The following CEP112 variants were observed in gnomAD, a reference collection of about 807,000 sequenced individuals.
The protein encoded by CEP112 is centrosomal protein 112.
In CEP112, 127 loss-of-function variants were observed where a neutral mutation model predicts 153.0. The ratio of observed to expected loss-of-function variants is 0.83; its 90% confidence interval spans 0.72 to 0.96. The LOEUF (loss-of-function observed/expected upper bound fraction) is 0.96, where lower values mean the gene tolerates loss of function less well. Among genes scored for constraint, CEP112 ranks in the 40% least tolerant of loss-of-function variants. CEP112 has a pLI of 0.00. For synonymous variants in CEP112, 358 were observed against 374.4 expected, an observed-to-expected ratio of 0.96 and a Z score of 0.51; for missense variants, 1,089 against 1,101.2, an observed-to-expected ratio of 0.99 and a Z score of 0.16.
intron 6 of CEP112, among the ~76,000 whole-genome samples, chr17:66,127,797 T>C (rs1302846312): frequency 6.6e-6 from 1 of 152,142 alleles, no homozygotes; most frequent in African/African-American, 2.4e-5. Flanking sequence ...ACTCCACTAT[T>C]TAAATTAAAA....
At chr17:66,153,327 C>T (rs1024315117) in intron 4 of CEP112, among the ~76,000 whole-genome samples, 10 of 151,822 alleles carry the variant, frequency 6.6e-5, no homozygotes, top group African/African-American at 2.4e-4. Context: ...ATGTGGTATA[C>T]TCATCAATGA....
chr17:66,085,034 T>G (rs1568473006), intron 8 of CEP112, among the ~76,000 whole-genome samples: 1 of 152,234 alleles, frequency 6.6e-6, no homozygotes, highest in East Asian at 1.9e-4. Context: ...TCAAAAGATA[T>G]TCACAGAGAA....
At chr17:65,895,982 C>CA (rs1568186296) in intron 20 of CEP112, among the ~76,000 whole-genome samples, 1 of 152,006 alleles carries the variant, frequency 6.6e-6, no homozygotes, top group Non-Finnish European at 1.5e-5. Context: ...TCTTCAAGAA[C>CA]AATTTTAATA....
At chr17:65,649,898 C>T (rs754499388) in intron 24 of CEP112, among the ~76,000 whole-genome samples, 1 of 152,160 alleles carries the variant, frequency 6.6e-6, no homozygotes, top group Non-Finnish European at 1.5e-5. Context: ...ATACATTCAT[C>T]TTGCACCTGG....
At chr17:66,179,589 G>T (rs1243983445) in intron 2 of CEP112, among the ~76,000 whole-genome samples, 2 of 151,962 alleles carry the variant, frequency 1.3e-5, no homozygotes, top group African/African-American at 2.4e-5. Flanking sequence ...AGGTTTTTGG[G>T]GGAGTCTTTA....
At chr17:65,648,280 C>T (rs1462915139) in intron 24 of CEP112, among the ~76,000 whole-genome samples, 1 of 152,154 alleles carries the variant, frequency 6.6e-6, no homozygotes, top group Non-Finnish European at 1.5e-5. Flanking sequence ...ATCTTCCTTC[C>T]TTTAGCAAAA....
chr17:65,869,786 C>T (rs902672013), intron 20 of CEP112, among the ~76,000 whole-genome samples: 45 of 151,232 alleles, frequency 3.0e-4, no homozygotes, highest in African/African-American at 1.0e-3. Context: ...AGGGTTTCAC[C>T]GTGTTAGCCA....
chr17:65,747,731 C>G (rs1416624111), intron 22 of CEP112, among the ~76,000 whole-genome samples: 1 of 151,992 alleles, frequency 6.6e-6, no homozygotes, highest in Admixed American at 6.5e-5. Context: ...GCAGTGGTGG[C>G]GAGGGTGAGT....
At chr17:66,118,152 A>G (rs543819310) in intron 6 of CEP112, among the ~76,000 whole-genome samples, 48 of 152,300 alleles carry the variant, frequency 3.2e-4, no homozygotes, top group African/African-American at 1.0e-3. Context: ...CATCAATCCC[A>G]ATGCTGGGTC....
At chr17:65,866,976 T>G in intron 20 of CEP112, among the ~76,000 whole-genome samples, 1 of 151,146 alleles carries the variant, frequency 6.6e-6, no homozygotes, top group East Asian at 1.9e-4. Flanking sequence ...CTCACCACAT[T>G]GCAGATGACA....
rs2066551465 is a variant in CEP112 at position 66,053,739 on chromosome 17, G to A, written c.1215C>T (p.Ser405=). 6.2e-7 allele frequency: 1 copy of A among 1,611,610 alleles called. No individual in the cohort carries two copies. The highest frequency in any genetic ancestry group is 8.5e-7 in the Non-Finnish European group (1 of 1,178,802). Residue 405 remains serine, a synonymous_variant, in exon 12 of 27, where the codon TCC becomes TCT. Coordinates refer to ENST00000535342, the MANE Select transcript of CEP112 (RefSeq NM_001199165.4). The part of the protein sequence containing the change: ...MESEYMAQTQ[S]TNHMIKELEA... The stretch of plus-strand genomic sequence containing the variant: ...AAGAACAGGTTTAAAGACTCACTGT[G>A]GACTGTGTTTGCGCCATGTATTCAC...
chr17:66,119,456 A>G (rs1234415331), intron 6 of CEP112, among the ~76,000 whole-genome samples: 2 of 152,212 alleles, frequency 1.3e-5, no homozygotes, highest in East Asian at 1.9e-4. Context: ...TTTCCACAAT[A>G]CCATATAAAT....
At chr17:66,027,454 C>T in intron 16 of CEP112, 47 bp downstream of exon 16, 1 of 1,309,394 alleles carries the variant, frequency 7.6e-7, no homozygotes, top group Non-Finnish European at 1.0e-6. Context: ...GCATTAATGC[C>T]TCATTTGCTA....
chr17:65,746,789 T>C (rs1024087307), intron 22 of CEP112, among the ~76,000 whole-genome samples: 1 of 152,120 alleles, frequency 6.6e-6, no homozygotes, highest in African/African-American at 2.4e-5. Flanking sequence ...AGCTAATATA[T>C]ACAATCATAA....
chr17:65,933,895 A>G (rs935305665), intron 18 of CEP112, among the ~76,000 whole-genome samples: 1 of 152,196 alleles, frequency 6.6e-6, no homozygotes, highest in African/African-American at 2.4e-5. Context: ...ACTGCAATAA[A>G]CTGTTAAGGG....
At chr17:66,050,136 T>C (rs902929445) in intron 12 of CEP112, among the ~76,000 whole-genome samples, 1 of 152,234 alleles carries the variant, frequency 6.6e-6, no homozygotes, top group Non-Finnish European at 1.5e-5. Context: ...CAGATCTTCA[T>C]ACTTGAAAAC....
At chr17:65,930,693 A>T (rs2061087666) in intron 18 of CEP112, among the ~76,000 whole-genome samples, 4 of 152,054 alleles carry the variant, frequency 2.6e-5, no homozygotes, top group Admixed American at 2.6e-4. Flanking sequence ...TGGTTTCAAG[A>T]CTCTCTTTCT....
At chr17:66,119,109 C>T (rs2069447615) in intron 6 of CEP112, among the ~76,000 whole-genome samples, 1 of 152,116 alleles carries the variant, frequency 6.6e-6, no homozygotes. Context: ...AACCAACCAC[C>T]ACACGTTCTC....
chr17:65,772,575 TACACACAC>T lies in CEP112; in HGVS notation c.2395-21859_2395-21852del, dbSNP rs34758953. Among the ~76,000 whole-genome samples, 703 of 133,480 alleles carry T rather than the reference TACACACAC, an allele frequency of 5.3e-3. 2 individuals carry two copies. The highest frequency in any genetic ancestry group is 0.014 in the Middle Eastern group (4 of 276). The allele number at this position is 133,480 out of a possible 152,430, so 87.6% of individuals were successfully genotyped here. ...AAAACTCAAAGACCCCTCTATTTATTACACACACACACACACACACACACACACACACA... is the reference window on the plus strand; with the variant it reads ...AAAACTCAAAGACCCCTCTATTTATTACACACACACACACACACACACACA... On this transcript the variant is annotated intron_variant, in intron 21 of 26. Transcript: ENST00000535342.
Sources: gnomAD v4.1 joint callset for allele counts (sites outside exome capture counted in the v4.1 genomes callset) on GRCh38, gnomAD v4.1.1 for gene constraint, MANE v1.5 for transcripts, NCBI Gene and HGNC (gene_info 2026-07-23, HGNC 2026-07-21) for gene names.